Variants in TMEM45A observed in about 807,000 individuals in gnomAD.
TMEM45A encodes DNA polymerase-transactivated protein 4.
In TMEM45A, 25 loss-of-function variants were observed where a neutral mutation model predicts 32.0. The ratio of observed to expected loss-of-function variants is 0.78; its 90% CI spans 0.57 to 1.09. The LOEUF is 1.09. Ranked by LOEUF, TMEM45A falls within the 50% of genes least tolerant of loss-of-function variation. The pLI is 0.00. For missense variants in TMEM45A, 302 were observed against 325.0 expected (o/e 0.93, Z 0.54); for synonymous variants, 122 against 114.8 (o/e 1.06, Z -0.40).
intron 4 of TMEM45A, among the ~76,000 whole-genome samples, chr3:100,567,242 C>G (rs1479799843): frequency 6.6e-6 from 1 of 151,674 alleles, no homozygotes; most frequent in East Asian, 1.9e-4. Context: ...CCGGTTATCT[C>G]AGCACCATTT....
intron 1 of TMEM45A, among the ~76,000 whole-genome samples, chr3:100,540,515 T>C (rs1705848687): frequency 6.6e-6 from 1 of 152,220 alleles, no homozygotes; most frequent in South Asian, 2.1e-4. Flanking sequence ...TCAGGAACGC[T>C]AAAATCCAAA....
chr3:100,561,837 T>TC (rs1179533593), intron 4 of TMEM45A, among the ~76,000 whole-genome samples: 2 of 151,990 alleles, frequency 1.3e-5, no homozygotes, highest in Admixed American at 6.6e-5. Flanking sequence ...GCTCCACTAG[T>TC]CCCCCCAGAG....
intron 2 of TMEM45A, 77 bp from the exon 3 acceptor site, chr3:100,556,683 A>G: frequency 7.6e-7 from 1 of 1,312,712 alleles, no homozygotes; most frequent in Non-Finnish European, 1.1e-6. Flanking sequence ...TGGAATAAGC[A>G]ATGGACTAGT....
At position 100,548,035 on chromosome 3, in the gene TMEM45A, T is replaced by C. The variant is rs527712177; in HGVS notation, c.-3-7174T>C. On this transcript the variant is annotated intron_variant, in intron 1 of 5. Transcript: ENST00000323523. Reference sequence around the variant, plus strand: ...TGGATGGTTTTAGTTATTTAAACATTGAGAGGGGTTGGTAGTGGGAACAAT... The same window carrying C: ...TGGATGGTTTTAGTTATTTAAACATCGAGAGGGGTTGGTAGTGGGAACAAT... Among the ~76,000 whole-genome samples, 10 of 152,264 alleles carry C rather than the reference T, an allele frequency of 6.6e-5. 1 individual carries two copies. In the South Asian group the frequency reaches 2.1e-3, roughly 32 times the overall value.
chr3:100,574,659 G>A (rs1706644399), intron 5 of TMEM45A: 2 of 152,184 alleles, frequency 1.3e-5, no homozygotes, highest in Admixed American at 1.3e-4. Context: ...AGGTCATGTG[G>A]GTTAGTGTTA....
At chr3:100,542,064 G>T (rs1157375183) in intron 1 of TMEM45A, among the ~76,000 whole-genome samples, 1 of 152,126 alleles carries the variant, frequency 6.6e-6, no homozygotes, top group Non-Finnish European at 1.5e-5. Context: ...TTATAGTAAA[G>T]TTTGAAGTTG....
At chr3:100,575,626 C>T (rs1337987874) in intron 5 of TMEM45A, among the ~76,000 whole-genome samples, 3 of 152,214 alleles carry the variant, frequency 2.0e-5, no homozygotes, top group African/African-American at 7.2e-5. Context: ...CCCGCCTTGC[C>T]TCCCACAGTG....
intron 5 of TMEM45A, among the ~76,000 whole-genome samples, chr3:100,576,676 A>G (rs1706694793): frequency 1.3e-5 from 2 of 152,146 alleles, no homozygotes; most frequent in African/African-American, 4.8e-5. Context: ...GAGCAAAGTT[A>G]TCTTCTGAGG....
chr3:100,500,503 G>A (rs1253135913), intron 1 of TMEM45A, among the ~76,000 whole-genome samples: 1 of 152,108 alleles, frequency 6.6e-6, no homozygotes, highest in Non-Finnish European at 1.5e-5. Context: ...CCCTCTCTCT[G>A]GACTCTTGGC....
chr3:100,552,279 A>G (rs1706122297), intron 1 of TMEM45A, among the ~76,000 whole-genome samples: 1 of 152,170 alleles, frequency 6.6e-6, no homozygotes, highest in African/African-American at 2.4e-5. Flanking sequence ...TCAGTTGCAC[A>G]GGCTTTCATA....
intron 1 of TMEM45A, among the ~76,000 whole-genome samples, chr3:100,511,597 T>G (rs1403049032): frequency 6.6e-6 from 1 of 151,520 alleles, no homozygotes; most frequent in Non-Finnish European, 1.5e-5. Context: ...AACATCATAA[T>G]GACAGGATCA....
chr3:100,533,817 T>C (rs1046764430), intron 1 of TMEM45A, among the ~76,000 whole-genome samples: 2 of 152,222 alleles, frequency 1.3e-5, no homozygotes, highest in Non-Finnish European at 2.9e-5. Flanking sequence ...GGTAGTTTTA[T>C]TGATATTGTC....
chr3:100,510,872 A>G (rs1449782351), intron 1 of TMEM45A, among the ~76,000 whole-genome samples: 1 of 152,250 alleles, frequency 6.6e-6, no homozygotes, highest in East Asian at 1.9e-4. Flanking sequence ...AAAGGTTATC[A>G]GCAGTGGAAG....
At chr3:100,498,961 C>T (rs568587530) in intron 1 of TMEM45A, among the ~76,000 whole-genome samples, 43 of 152,242 alleles carry the variant, frequency 2.8e-4, no homozygotes, top group African/African-American at 9.9e-4. Context: ...TTTTGATTTG[C>T]ATTTCCCTAA....
intron 4 of TMEM45A, among the ~76,000 whole-genome samples, chr3:100,566,489 T>G (rs1706442299): frequency 6.6e-6 from 1 of 152,204 alleles, no homozygotes; most frequent in Non-Finnish European, 1.5e-5. Context: ...TTATTGGCTA[T>G]GTGTCAGTTA....
intron 5 of TMEM45A, chr3:100,570,970 T>G (rs1223256114): frequency 2.6e-5 from 4 of 151,906 alleles, no homozygotes; most frequent in Admixed American, 1.3e-4. Context: ...GAGTTTTTGT[T>G]TTTTTTTTCA....
chr3:100,531,199 A>G (rs961496486), intron 1 of TMEM45A, among the ~76,000 whole-genome samples: 8 of 152,150 alleles, frequency 5.3e-5, no homozygotes, highest in African/African-American at 1.7e-4. Context: ...TTATTTCATT[A>G]TAGTTTTTCC....
intron 1 of TMEM45A, among the ~76,000 whole-genome samples, chr3:100,530,164 C>T (rs1417423169): frequency 6.6e-6 from 1 of 152,140 alleles, no homozygotes; most frequent in Non-Finnish European, 1.5e-5. Flanking sequence ...TTTCTCCTGT[C>T]CCCCAGATAA....
intron 1 of TMEM45A, among the ~76,000 whole-genome samples, chr3:100,508,853 A>G (rs1453806546): frequency 6.6e-6 from 1 of 152,172 alleles, no homozygotes; most frequent in East Asian, 1.9e-4. Context: ...AAGACCTGAA[A>G]CTATAAAACT....
Sources: gnomAD v4.1 joint callset for allele counts (sites outside exome capture counted in the v4.1 genomes callset) on GRCh38, gnomAD v4.1.1 for gene constraint, MANE v1.5 for transcripts, NCBI Gene and HGNC (gene_info 2026-07-23, HGNC 2026-07-21) for gene names.